The following DYNC2I1 variants were observed in gnomAD, a reference collection of about 807,000 sequenced individuals.
The protein encoded by DYNC2I1 is dynein 2 intermediate chain 1.
Under a neutral mutation model 133.4 loss-of-function variants are expected in DYNC2I1, and 89 were observed. The ratio of observed to expected loss-of-function variants is 0.67; its 90% CI spans 0.56 to 0.80. DYNC2I1 has a LOEUF of 0.80. Ranked by LOEUF, DYNC2I1 falls within the 30% of genes least tolerant of loss-of-function variation. The probability of loss-of-function intolerance (pLI) is 0.00; values close to 1 mark genes in which losing one functional copy is unlikely to be tolerated. For missense variants in DYNC2I1, 1,291 were observed against 1,314.5 expected, an observed-to-expected ratio of 0.98 and a Z score of 0.28; for synonymous variants, 504 against 484.3, an observed-to-expected ratio of 1.04 and a Z score of -0.54.
the DYNC2I1 span, among the ~76,000 whole-genome samples, chr7:158,849,516 A>G: frequency 6.6e-6 from 1 of 152,208 alleles, no homozygotes; most frequent in Non-Finnish European, 1.5e-5. Flanking sequence ...AGGGTGAACA[A>G]CACTAACATG....
chr7:158,889,789 A>G (rs1320517304), intron 7 of DYNC2I1, among the ~76,000 whole-genome samples: 1 of 151,956 alleles, frequency 6.6e-6, no homozygotes, highest in Non-Finnish European at 1.5e-5. Context: ...GGATCATCTG[A>G]GGTCAGGAGT....
intron 8 of DYNC2I1, among the ~76,000 whole-genome samples, chr7:158,896,047 C>T (rs560188572): frequency 5.9e-5 from 9 of 152,150 alleles, no homozygotes; most frequent in Admixed American, 1.3e-4. Context: ...ATATTTTCTG[C>T]GAAGAAAGTT....
At chr7:158,921,403 A>G (rs886776158) in intron 15 of DYNC2I1, among the ~76,000 whole-genome samples, 6 of 152,174 alleles carry the variant, frequency 3.9e-5, no homozygotes, top group Non-Finnish European at 7.3e-5. Flanking sequence ...AACAGGAGGT[A>G]CACGTTCCTA....
chr7:158,856,716 G>T lies in DYNC2I1; in HGVS notation c.-20G>T. ...GGCCGGGGCCGAGGACACCGCGGCCGCCCGGGCCTGCGGGAAGCGATGGAG... is the reference window on the plus strand; with the variant it reads ...GGCCGGGGCCGAGGACACCGCGGCCTCCCGGGCCTGCGGGAAGCGATGGAG... On this transcript the variant is annotated 5_prime_UTR_variant, in exon 1 of 25. Coordinates refer to ENST00000407559, the MANE Select transcript of DYNC2I1 (RefSeq NM_018051.5). 2.4e-6 allele frequency: 3 copies of T among 1,233,616 alleles called. No homozygotes were observed. The highest frequency in any genetic ancestry group is 3.0e-6 in the Non-Finnish European group (3 of 987,030). The allele number at this position is 1,233,616 out of a possible 1,614,324, so 76.4% of individuals were successfully genotyped here.
chr7:158,853,289 G>T (rs1297005506), upstream of DYNC2I1, among the ~76,000 whole-genome samples: 1 of 152,186 alleles, frequency 6.6e-6, no homozygotes. Context: ...AACTTAACCT[G>T]AAGAAGTAGT....
intron 1 of DYNC2I1, among the ~76,000 whole-genome samples, chr7:158,868,724 C>A (rs1842628653): frequency 6.6e-6 from 1 of 152,208 alleles, no homozygotes; most frequent in Admixed American, 6.5e-5. Context: ...GCTTTCTCTG[C>A]CGATCCTTGA....
chr7:158,936,519 C>T (rs1387430398), intron 23 of DYNC2I1, among the ~76,000 whole-genome samples: 2 of 152,214 alleles, frequency 1.3e-5, no homozygotes, highest in African/African-American at 4.8e-5. Context: ...GGTGGACAAC[C>T]AGTTTTTCTA....
intron 14 of DYNC2I1, among the ~76,000 whole-genome samples, chr7:158,914,701 T>C (rs1284278661): frequency 1.3e-5 from 2 of 152,154 alleles, no homozygotes; most frequent in Non-Finnish European, 2.9e-5. Context: ...CTGAAAAATT[T>C]TAAAAATCCA....
chr7:158,891,983 A>T (rs1845272070), intron 8 of DYNC2I1, among the ~76,000 whole-genome samples: 1 of 152,042 alleles, frequency 6.6e-6, no homozygotes, highest in South Asian at 2.1e-4. Flanking sequence ...GATGGAGAGC[A>T]CTTGGGGCTC....
chr7:158,921,892 C>T (rs890438152), intron 15 of DYNC2I1, among the ~76,000 whole-genome samples: 11 of 152,330 alleles, frequency 7.2e-5, no homozygotes, highest in East Asian at 1.9e-4. Context: ...GCAACAGTAA[C>T]GCCTTGGAGT....
In DYNC2I1 at chr7:158,914,248, A is replaced by ATAC; in HGVS notation, c.1719_1721dup (p.Thr574dup). On this transcript the variant is annotated inframe_insertion, in exon 14 of 25. Transcript: ENST00000407559. ...TTTTTTTTAGGCAGTGAACAAAGAG[A>ATAC]TACCTCTGATGCTGTAGTTATGCCA... The ATAC allele has an allele frequency of 6.2e-7, 1 of 1,611,502 alleles. No individual in the cohort carries two copies. The highest frequency in any genetic ancestry group is 8.5e-7 in the Non-Finnish European group (1 of 1,178,834).
chr7:158,943,240 C>T (rs1851551187), intron 24 of DYNC2I1, among the ~76,000 whole-genome samples: 3 of 152,160 alleles, frequency 2.0e-5, no homozygotes, highest in African/African-American at 7.2e-5. Flanking sequence ...CTGTGATTTG[C>T]AGATAACCAC....
chr7:158,860,824 T>C (rs892126985), intron 1 of DYNC2I1, among the ~76,000 whole-genome samples: 2 of 152,244 alleles, frequency 1.3e-5, no homozygotes, highest in Non-Finnish European at 2.9e-5. Flanking sequence ...TATGTACTAG[T>C]GATGTGAACT....
intron 16 of DYNC2I1, 137 bp downstream of exon 16, chr7:158,922,686 T>C: frequency 1.2e-6 from 1 of 835,330 alleles, no homozygotes; most frequent in South Asian, 1.8e-5. Flanking sequence ...ATTCTCTGTC[T>C]CTCACAGCTG....
At position 158,941,939 on chromosome 7, in the gene DYNC2I1, C is replaced by T. The variant is rs199624775; in HGVS notation, c.2793C>T (p.Asp931=). Residue 931 remains aspartate, a synonymous_variant, in exon 24 of 25, where the codon GAC becomes GAT. Coordinates refer to ENST00000407559, the MANE Select transcript of DYNC2I1 (RefSeq NM_018051.5). ...GEPIFLAGCS[D]GSIRLHQLSS... Reference sequence around the variant, plus strand: ...CCTGGTCATAGGCCGGCTGTTCGGACGGAAGCATCAGGCTGCACCAGCTGA... The same window carrying T: ...CCTGGTCATAGGCCGGCTGTTCGGATGGAAGCATCAGGCTGCACCAGCTGA... 2.6e-4 allele frequency: 422 copies of T among 1,606,582 alleles called. 2 individuals are homozygous for T. In the African/African-American group the frequency reaches 3.8e-3, roughly 14 times the overall value.
chr7:158,918,033 C>T (rs1159881677), intron 14 of DYNC2I1, among the ~76,000 whole-genome samples: 1 of 151,898 alleles, frequency 6.6e-6, no homozygotes, highest in Admixed American at 6.6e-5. Flanking sequence ...ACACAGTCAG[C>T]TCTCACTCAA....
At chr7:158,912,094 C>T (rs916642747) in intron 12 of DYNC2I1, among the ~76,000 whole-genome samples, 1 of 152,220 alleles carries the variant, frequency 6.6e-6, no homozygotes, top group African/African-American at 2.4e-5. Flanking sequence ...CGTGCCTCAG[C>T]CTGCCTTACC....
intron 10 of DYNC2I1, among the ~76,000 whole-genome samples, chr7:158,905,783 A>G (rs1193444003): frequency 6.6e-6 from 1 of 152,232 alleles, no homozygotes; most frequent in Non-Finnish European, 1.5e-5. Context: ...ATAGATGATC[A>G]GTAAATTTTG....
chr7:158,862,552 TAA>T (rs71200073), intron 1 of DYNC2I1, among the ~76,000 whole-genome samples: 34 of 105,818 alleles, frequency 3.2e-4, no homozygotes, highest in African/African-American at 5.7e-4. Context: ...CCCTATCTCT[TAA>T]AAAAAAAAAA....
Sources: allele counts gnomAD v4.1 joint callset (sites outside exome capture counted in the v4.1 genomes callset), GRCh38; gene constraint gnomAD v4.1.1; transcripts MANE v1.5; gene names NCBI Gene and HGNC (gene_info 2026-07-23, HGNC 2026-07-21).